The following NCKAP5 variants were observed in gnomAD, a reference collection of about 807,000 sequenced individuals.
The protein encoded by NCKAP5 is NCK associated protein 5.
NCKAP5 carries 92 observed loss-of-function variants against 167.0 expected under a neutral mutation model. The ratio of observed to expected loss-of-function variants is 0.55; its 90% CI spans 0.47 to 0.66. The LOEUF is 0.66. Ranked by LOEUF, NCKAP5 falls within the 30% of genes least tolerant of loss-of-function variation. The pLI is 0.00. For missense variants in NCKAP5, 2,378 were observed against 2,315.0 expected (o/e 1.03, Z -0.56); for synonymous variants, 891 against 877.4 (o/e 1.02, Z -0.27).
At chr2:133,381,038 T>C (rs566983858) in intron 3 of NCKAP5, among the ~76,000 whole-genome samples, 1 of 152,204 alleles carries the variant, frequency 6.6e-6, no homozygotes, top group East Asian at 1.9e-4. Flanking sequence ...CACAACACAG[T>C]AAAAGATAGA....
the NCKAP5 span, among the ~76,000 whole-genome samples, chr2:133,669,449 GTTTAT>G: frequency 2.1e-4 from 32 of 152,150 alleles, no homozygotes; most frequent in East Asian, 6.2e-3. Flanking sequence ...GGTTTAAGTG[GTTTAT>G]TTTATCATGT....
the NCKAP5 span, among the ~76,000 whole-genome samples, chr2:133,615,948 T>C: frequency 6.6e-6 from 1 of 150,386 alleles, no homozygotes; most frequent in South Asian, 2.1e-4. Flanking sequence ...TATAACAAAC[T>C]ATCTCTCAGA....
chr2:132,753,977 G>A (rs1680323332), intron 16 of NCKAP5, among the ~76,000 whole-genome samples: 1 of 152,174 alleles, frequency 6.6e-6, no homozygotes, highest in African/African-American at 2.4e-5. Context: ...CCTCAGGTGA[G>A]AAAACTCTTG....
At chr2:133,515,355 C>A (rs1381406387) in intron 3 of NCKAP5, among the ~76,000 whole-genome samples, 1 of 152,112 alleles carries the variant, frequency 6.6e-6, no homozygotes, top group Non-Finnish European at 1.5e-5. Flanking sequence ...CATTTAAGCA[C>A]CCCCCTACAC....
intron 3 of NCKAP5, among the ~76,000 whole-genome samples, chr2:133,418,045 G>C (rs1033813182): frequency 6.6e-6 from 1 of 152,176 alleles, no homozygotes; most frequent in Non-Finnish European, 1.5e-5. Context: ...CGGATGTAGG[G>C]AGTCAATAGG....
chr2:133,498,316 T>C (rs1682124882), intron 3 of NCKAP5, among the ~76,000 whole-genome samples: 1 of 151,868 alleles, frequency 6.6e-6, no homozygotes, highest in South Asian at 2.1e-4. Context: ...TTTCAGGATA[T>C]TTACATTTAC....
intron 3 of NCKAP5, among the ~76,000 whole-genome samples, chr2:133,470,574 T>G (rs1232824960): frequency 1.8e-4 from 28 of 152,360 alleles, no homozygotes; most frequent in Non-Finnish European, 3.1e-4. Context: ...GTTTACCTAA[T>G]CAAGGCTGGG....
intron 4 of NCKAP5, among the ~76,000 whole-genome samples, chr2:133,224,410 C>T (rs145073951): frequency 2.0e-5 from 3 of 152,346 alleles, no homozygotes; most frequent in Non-Finnish European, 2.9e-5. Flanking sequence ...ATATCAGAAA[C>T]TAATCGCATG....
chr2:133,649,607 AC>A, the NCKAP5 span, among the ~76,000 whole-genome samples: 1 of 152,160 alleles, frequency 6.6e-6, no homozygotes, highest in African/African-American at 2.4e-5. Context: ...TTAATGTGCT[AC>A]ACCACATTAA....
intron 3 of NCKAP5, among the ~76,000 whole-genome samples, chr2:133,328,696 C>A (rs1000570673): frequency 2.0e-5 from 3 of 152,064 alleles, no homozygotes; most frequent in Non-Finnish European, 2.9e-5. Flanking sequence ...AAGCACCTAA[C>A]CTATTCAGTG....
In NCKAP5 at chr2:133,547,826, C is replaced by T. The variant is rs1293628562; in HGVS notation, c.-62+11224G>A. On this transcript the variant is annotated intron_variant, in intron 2 of 19. Transcript: ENST00000409261. ...AACTCTAAAACGCAGAGCGCCTCTC[C>T]TCCTCCAAAGGAACGCAGTTCCTCA... 2.6e-4 allele frequency among the ~76,000 whole-genome samples: 38 copies of T among 146,200 alleles called. No homozygotes were observed. In the South Asian group the frequency reaches 5.3e-3, roughly 20 times the overall value.
chr2:133,081,844 G>A (rs963561151), intron 6 of NCKAP5, among the ~76,000 whole-genome samples: 2 of 152,102 alleles, frequency 1.3e-5, no homozygotes, highest in Non-Finnish European at 2.9e-5. Flanking sequence ...AGATTACCCA[G>A]ACATCAAGTG....
At chr2:133,209,419 T>G (rs1209776166) in intron 5 of NCKAP5, among the ~76,000 whole-genome samples, 1 of 146,974 alleles carries the variant, frequency 6.8e-6, no homozygotes, top group East Asian at 2.0e-4. Context: ...AAGATCTGAG[T>G]TAACAGAACA....
intron 19 of NCKAP5, among the ~76,000 whole-genome samples, chr2:132,717,147 T>G (rs1392136686): frequency 6.6e-6 from 1 of 152,166 alleles, no homozygotes; most frequent in Non-Finnish European, 1.5e-5. Flanking sequence ...TACTTTTCAT[T>G]TGTCATCCAG....
intron 3 of NCKAP5, among the ~76,000 whole-genome samples, chr2:133,352,339 C>G (rs1348352314): frequency 6.6e-6 from 1 of 152,258 alleles, no homozygotes; most frequent in East Asian, 1.9e-4. Flanking sequence ...GCATCTGACA[C>G]TGTGCCTGAC....
intron 5 of NCKAP5, among the ~76,000 whole-genome samples, chr2:133,141,104 C>T (rs190547866): frequency 2.0e-5 from 3 of 152,128 alleles, no homozygotes; most frequent in African/African-American, 7.2e-5. Flanking sequence ...AGTCTTAATC[C>T]TGACTGAGGA....
chr2:132,759,909 G>A (rs1040507682), intron 16 of NCKAP5, among the ~76,000 whole-genome samples: 1 of 150,222 alleles, frequency 6.7e-6, no homozygotes, highest in African/African-American at 2.5e-5. Context: ...TTTGGTTTGT[G>A]TTTCTCCTCC....
the NCKAP5 span, among the ~76,000 whole-genome samples, chr2:133,607,636 T>A: frequency 6.6e-6 from 1 of 152,202 alleles, no homozygotes; most frequent in Non-Finnish European, 1.5e-5. Context: ...TATTTGATGA[T>A]GCCTAAGGGT....
intron 6 of NCKAP5, among the ~76,000 whole-genome samples, chr2:133,024,962 A>T (rs1573779233): frequency 1.3e-5 from 2 of 152,238 alleles, no homozygotes; most frequent in African/African-American, 4.8e-5. Flanking sequence ...AGAAAATATG[A>T]TGATGGATCT....
Sources: allele counts gnomAD v4.1 joint callset (sites outside exome capture counted in the v4.1 genomes callset), GRCh38; gene constraint gnomAD v4.1.1; transcripts MANE v1.5; gene names NCBI Gene and HGNC (gene_info 2026-07-23, HGNC 2026-07-21).